The following ORC1 variants were observed in gnomAD, a reference collection of about 807,000 sequenced individuals.
ORC1 encodes origin recognition complex subunit 1, also known as origin recognition complex, subunit 1 homolog.
ORC1 carries 61 observed loss-of-function variants against 98.9 expected under a neutral mutation model. That is an observed-to-expected ratio of 0.62 (90% CI 0.50 to 0.76). The LOEUF (loss-of-function observed/expected upper bound fraction) is 0.76. Ranked by LOEUF, ORC1 falls within the 30% of genes least tolerant of loss-of-function variation. ORC1 has a pLI of 0.00. For missense variants in ORC1, 979 were observed against 1,072.2 expected, an observed-to-expected ratio of 0.91 and a Z score of 1.21; for synonymous variants, 385 against 406.9, an observed-to-expected ratio of 0.95 and a Z score of 0.65.
At chr1:52,389,408 T>C (rs550127380) in intron 6 of ORC1, 87 bp from the exon 7 acceptor site, 21 of 893,832 alleles carry the variant, frequency 2.3e-5, no homozygotes, top group African/African-American at 4.9e-5. Flanking sequence ...AGTGGCCTGA[T>C]TGGCTCCCAG....
chr1:52,380,435 C>T (rs1557571309), intron 14 of ORC1, among the ~76,000 whole-genome samples: 1 of 152,320 alleles, frequency 6.6e-6, no homozygotes, highest in Non-Finnish European at 1.5e-5. Context: ...GTGGCTTGCT[C>T]CTGTAATCCC....
At chr1:52,391,028 C>T (rs186176408) in intron 6 of ORC1, among the ~76,000 whole-genome samples, 80 of 151,428 alleles carry the variant, frequency 5.3e-4, no homozygotes, top group Non-Finnish European at 9.9e-4. Context: ...TAGAAGATAA[C>T]GGGCAGGCGC....
intron 14 of ORC1, among the ~76,000 whole-genome samples, chr1:52,378,030 T>A (rs185164791): frequency 7.9e-4 from 120 of 152,270 alleles, no homozygotes; most frequent in African/African-American, 2.6e-3. Flanking sequence ...CCAAATTGGA[T>A]GTCTTCTGAA....
chr1:52,392,483 T>C (rs1190052227), intron 6 of ORC1, among the ~76,000 whole-genome samples: 1 of 152,052 alleles, frequency 6.6e-6, no homozygotes, highest in African/African-American at 2.4e-5. Flanking sequence ...ACAACCACTA[T>C]AGAAAACAGT....
In ORC1 at chr1:52,401,466, C is replaced by T; in HGVS notation, c.119G>A (p.Gly40Asp). The T allele has an allele frequency of 1.9e-6, 3 of 1,613,542 alleles. No homozygotes were observed. The highest frequency in any genetic ancestry group is 1.7e-5 in the Admixed American group (1 of 59,984). ...CTGGATGTGAATCTCGGTGGAACAACCTTCTGTTTTCACACACATTTCTCT... is the reference window on the plus strand; with the variant it reads ...CTGGATGTGAATCTCGGTGGAACAATCTTCTGTTTTCACACACATTTCTCT... The part of the protein sequence containing the change: ...TYREMCVKTE[G>D]CSTEIHIQIG... The change falls in exon 3 of 17, where the codon GGT becomes GAT. Residue 40 changes from glycine to aspartate, a missense_variant. Transcript: ENST00000371568.
intron 3 of ORC1, among the ~76,000 whole-genome samples, chr1:52,398,176 C>G (rs2147943400): frequency 6.6e-6 from 1 of 152,248 alleles, no homozygotes; most frequent in African/African-American, 2.4e-5. Flanking sequence ...GTTGGCCAGG[C>G]TGGTCTCAAA....
At position 52,387,173 on chromosome 1, in the gene ORC1, T is replaced by C. The variant is rs573570404; in HGVS notation, c.1384-1224A>G. ...GAACCAGGACACAGCAGGAGGTGAG[T>C]GGTGGGTGGGGTGAGCATTACCACC... On this transcript the variant is annotated intron_variant, in intron 8 of 16. Coordinates refer to ENST00000371568, the MANE Select transcript of ORC1 (RefSeq NM_004153.4). 2.0e-5 allele frequency among the ~76,000 whole-genome samples: 3 copies of C among 151,716 alleles called. No homozygotes were observed. In the East Asian group the frequency reaches 5.8e-4, roughly 29 times the overall value.
intron 14 of ORC1, among the ~76,000 whole-genome samples, chr1:52,377,917 A>G (rs1647015352): frequency 6.6e-6 from 1 of 152,210 alleles, no homozygotes; most frequent in Admixed American, 6.5e-5. Context: ...TTCAGGTATC[A>G]TAACTATAGG....
Position 52,402,120 on chromosome 1 carries a change from A to G in ORC1, c.95+9T>C, listed in dbSNP as rs1557587650. On this transcript the variant is annotated intron_variant, in intron 2 of 16. Transcript: ENST00000371568. ...ATTTCCAGGACAACCAAAGGACCCCATCACTCACCTATAGGTTTGGTAGTG... is the reference window on the plus strand; with the variant it reads ...ATTTCCAGGACAACCAAAGGACCCCGTCACTCACCTATAGGTTTGGTAGTG... 6.2e-7 allele frequency: 1 copy of G among 1,606,388 alleles called. No individual in the cohort carries two copies. Among genetic ancestry groups the G allele is most frequent in the Admixed American group, 1.7e-5 (1 of 60,014 alleles).
rs1274205386 is a variant in ORC1, at chr1:52,385,732, GTA to G, written c.1481+118_1481+119del. ...ACTCACTTTACCTAGATAGGTAAAAGTATAGACACACAGTGTATCTACCTTTA... is the reference window on the plus strand; with the variant it reads ...ACTCACTTTACCTAGATAGGTAAAAGTAGACACACAGTGTATCTACCTTTA... On this transcript the variant is annotated intron_variant, in intron 9 of 16. Coordinates refer to ENST00000371568, the MANE Select transcript of ORC1 (RefSeq NM_004153.4). The G allele has an allele frequency of 8.1e-5, 61 of 752,160 alleles. No homozygotes were observed. In the Admixed American group the frequency reaches 1.1e-3, roughly 13 times the overall value. 46.6% of individuals were successfully genotyped at this position (752,160 alleles called of 1,614,324 possible). A position where few individuals can be genotyped will look rare whatever the true frequency, so the allele number is the denominator to read the frequency against.
intron 14 of ORC1, among the ~76,000 whole-genome samples, chr1:52,380,958 G>C (rs992228447): frequency 6.6e-6 from 1 of 152,200 alleles, no homozygotes; most frequent in Non-Finnish European, 1.5e-5. Context: ...AGCCATTCAG[G>C]GTGAAGAGTG....
intron 8 of ORC1, among the ~76,000 whole-genome samples, chr1:52,387,619 G>A (rs976271722): frequency 7.2e-5 from 11 of 152,082 alleles, no homozygotes; most frequent in African/African-American, 2.4e-4. Flanking sequence ...CACCATGCCT[G>A]GCTAATTTTT....
At chr1:52,408,596 C>T, upstream of ORC1, 1 of 1,614,224 alleles carries the variant, frequency 6.2e-7, no homozygotes, top group Non-Finnish European at 8.5e-7. Context: ...GGGCACTTTA[C>T]ATGAGGCTGA....
At chr1:52,395,253 G>A (rs1013840211) in intron 5 of ORC1, among the ~76,000 whole-genome samples, 2 of 151,970 alleles carry the variant, frequency 1.3e-5, no homozygotes, top group African/African-American at 4.8e-5. Context: ...GTAAGAAAAC[G>A]AAAAATAAAA....
rs1418971693 is a variant in ORC1, at chr1:52,393,698, T to C, written c.827A>G (p.Lys276Arg). Residue 276 changes from lysine to arginine, a missense_variant, in exon 6 of 17, where the codon AAG becomes AGG. Coordinates refer to ENST00000371568, the MANE Select transcript of ORC1 (RefSeq NM_004153.4). ...VAFSEITSPSKRSQPDKLQTL... is the reference protein window; with the variant it reads ...VAFSEITSPSRRSQPDKLQTL... ...TTGAAGTTTATCAGGCTGAGATCTCTTAGAAGGTGAGGTGATCTCCGAGAA... is the reference window on the plus strand; with the variant it reads ...TTGAAGTTTATCAGGCTGAGATCTCCTAGAAGGTGAGGTGATCTCCGAGAA... 3.1e-6 allele frequency: 5 copies of C among 1,613,936 alleles called. No individual in the cohort carries two copies. The African/African-American group carries it at 4.0e-5, about 13-fold the overall frequency.
At chr1:52,374,258 G>GAA (rs1162520443) in intron 16 of ORC1, among the ~76,000 whole-genome samples, 1 of 152,186 alleles carries the variant, frequency 6.6e-6, no homozygotes, top group African/African-American at 2.4e-5. Context: ...ATAAGTAGCT[G>GAA]AAAGGAAAAT....
intron 3 of ORC1, among the ~76,000 whole-genome samples, chr1:52,399,699 T>G (rs1014846017): frequency 3.3e-5 from 5 of 151,000 alleles, no homozygotes; most frequent in Non-Finnish European, 4.4e-5. Flanking sequence ...TCCCAGCTAC[T>G]TGGGAGGCTG....
intron 6 of ORC1, among the ~76,000 whole-genome samples, chr1:52,390,656 C>T (rs1647196427): frequency 6.6e-6 from 1 of 151,640 alleles, no homozygotes. Flanking sequence ...AATGGGAAGC[C>T]GAGGTGGGTG....
intron 7 of ORC1, among the ~76,000 whole-genome samples, chr1:52,388,886 C>T (rs771036299): frequency 4.6e-5 from 7 of 152,074 alleles, no homozygotes; most frequent in Non-Finnish European, 7.4e-5. Flanking sequence ...GGTAATTTTG[C>T]CTTCCCAAGG....
Sources: allele counts gnomAD v4.1 joint callset (sites outside exome capture counted in the v4.1 genomes callset), GRCh38; gene constraint gnomAD v4.1.1; transcripts MANE v1.5; gene names NCBI Gene and HGNC (gene_info 2026-07-23, HGNC 2026-07-21).